The following MSL2 variants were observed in gnomAD, a reference collection of about 807,000 sequenced individuals.
MSL2 encodes MSL complex subunit 2.
In MSL2, 2 loss-of-function variants were observed where a neutral mutation model predicts 35.8. The observed-to-expected ratio is 0.06, with a 90% CI of 0.02 to 0.18. MSL2 has a LOEUF of 0.18. Among genes scored for constraint, MSL2 ranks in the 10% least tolerant of loss-of-function variants. The pLI, the probability that MSL2 is intolerant of heterozygous loss-of-function variation, is 1.00. For missense variants in MSL2, 523 were observed against 706.7 expected, an observed-to-expected ratio of 0.74 and a Z score of 2.95; for synonymous variants, 296 against 255.7, an observed-to-expected ratio of 1.16 and a Z score of -1.50.
At position 136,154,793 on chromosome 3, in the gene MSL2, C is replaced by T. The variant is rs1201051672; in HGVS notation, c.143-2055G>A. 3.3e-5 allele frequency among the ~76,000 whole-genome samples: 5 copies of T among 152,212 alleles called. No individual in the cohort carries two copies. The East Asian group carries it at 7.7e-4, about 23-fold the overall frequency. ...AGGTCTTAAGCTAGGCACAGTGGCA[C>T]GTGCCTGTTGTTCTAGCTCTCTGAG... On this transcript the variant is annotated intron_variant, in intron 1 of 1. Coordinates refer to ENST00000309993, the MANE Select transcript of MSL2 (RefSeq NM_018133.4).
In MSL2 at chr3:136,149,119, CA is replaced by C. The variant is rs753775308; in HGVS notation, c.*2027del. On this transcript the variant is annotated 3_prime_UTR_variant, in exon 2 of 2. Coordinates refer to ENST00000309993, the MANE Select transcript of MSL2 (RefSeq NM_018133.4). ...TCTATATTGCCAACCTCCCATGCAT[CA>C]AAAAAAAAAAAAAACCCACAAGATT... 0.034 allele frequency: 3,981 copies of C among 117,824 alleles called. 60 individuals carry two copies. The highest frequency in any genetic ancestry group is 0.043 in the African/African-American group (1,414 of 33,262). 7.3% of individuals were successfully genotyped at this position (117,824 alleles called of 1,614,324 possible).
At chr3:136,180,444 G>A (rs1220649966) in intron 1 of MSL2, among the ~76,000 whole-genome samples, 3 of 151,888 alleles carry the variant, frequency 2.0e-5, no homozygotes, top group Non-Finnish European at 4.4e-5. Flanking sequence ...AACTTATAAA[G>A]AATAAAAGAC....
intron 1 of MSL2, among the ~76,000 whole-genome samples, chr3:136,160,360 AGGGAGG>A (rs1357834246): frequency 8.8e-5 from 2 of 22,672 alleles, no homozygotes; most frequent in Non-Finnish European, 1.6e-4. Context: ...GGAGGGAGGG[AGGGAGG>A]GAGGGAGGGA....
At position 136,195,339 on chromosome 3, in the gene MSL2, T is replaced by C. The variant is rs1940805237; in HGVS notation, c.-226A>G. 3.8e-6 allele frequency: 5 copies of C among 1,313,576 alleles called. No individual in the cohort carries two copies. Among genetic ancestry groups the C allele is most frequent in the Non-Finnish European group, 4.8e-6 (5 of 1,033,374 alleles). 81.4% of individuals were successfully genotyped at this position (1,313,576 alleles called of 1,614,324 possible). A position where few individuals can be genotyped will look rare whatever the true frequency, so the allele number is the denominator to read the frequency against. On this transcript the variant is annotated 5_prime_UTR_variant, in exon 1 of 2. It adds an upstream start codon to the 5' untranslated region. Coordinates refer to ENST00000309993, the MANE Select transcript of MSL2 (RefSeq NM_018133.4). Reference sequence around the variant, plus strand: ...GTCCCTGAGACTTCCAGACCAAAAATATGAGAGAGAAACCAGCGTTCGAGT... The same window carrying C: ...GTCCCTGAGACTTCCAGACCAAAAACATGAGAGAGAAACCAGCGTTCGAGT...
At chr3:136,174,838 AT>A (rs1221294829) in intron 1 of MSL2, among the ~76,000 whole-genome samples, 1 of 152,230 alleles carries the variant, frequency 6.6e-6, no homozygotes, top group African/African-American at 2.4e-5. Flanking sequence ...CTTAATATGT[AT>A]ATGTATATTA....
chr3:136,158,508 T>C (rs1200025212), intron 1 of MSL2, among the ~76,000 whole-genome samples: 6 of 152,092 alleles, frequency 3.9e-5, no homozygotes, highest in Non-Finnish European at 5.9e-5. Context: ...AAGCCAACTT[T>C]ACTTAAAGGT....
intron 1 of MSL2, among the ~76,000 whole-genome samples, chr3:136,172,224 T>C (rs1045038141): frequency 6.6e-6 from 1 of 152,128 alleles, no homozygotes; most frequent in Non-Finnish European, 1.5e-5. Context: ...TTTACATATT[T>C]AAGTATTCTC....
At chr3:136,161,102 A>C (rs1184196504) in intron 1 of MSL2, among the ~76,000 whole-genome samples, 1 of 152,162 alleles carries the variant, frequency 6.6e-6, no homozygotes, top group Non-Finnish European at 1.5e-5. Context: ...ATAAAGTAAA[A>C]TGAATGACCA....
intron 1 of MSL2, among the ~76,000 whole-genome samples, chr3:136,167,047 G>C (rs1301742432): frequency 6.6e-6 from 1 of 151,914 alleles, no homozygotes; most frequent in Non-Finnish European, 1.5e-5. Context: ...TTATGGAAAT[G>C]AGGAGAAGGG....
chr3:136,184,911 C>G (rs1345705465), intron 1 of MSL2, among the ~76,000 whole-genome samples: 1 of 152,132 alleles, frequency 6.6e-6, no homozygotes, highest in Non-Finnish European at 1.5e-5. Flanking sequence ...AAACCTCATA[C>G]TTTTCCAGGA....
At position 136,151,937 on chromosome 3, in the gene MSL2, A is replaced by T. The variant is rs1426530102; in HGVS notation, c.944T>A (p.Val315Asp). ...AAGTGCAGGACTGGTGGACATAAAA[A>T]CATTATGGCTAAGAGACTGGGAAGA... ...QLSSQSLSHN[V>D]FMSTSPALHG... Residue 315 changes from valine (V) to aspartate (D), a missense_variant, in exon 2 of 2, where the codon GTT (valine) becomes GAT (aspartate). Val to Asp is a radical substitution (Grantham distance 152, BLOSUM62 -3). Coordinates refer to ENST00000309993, the MANE Select transcript of MSL2 (RefSeq NM_018133.4). This position sits in a 1 kb window ranked among gnomAD's most constrained non-coding sequence, Gnocchi z 5.2. The T allele has an allele frequency of 3.7e-6, 6 of 1,614,234 alleles. No individual in the cohort carries two copies. Among genetic ancestry groups the T allele is most frequent in the Non-Finnish European group, 5.1e-6 (6 of 1,180,040 alleles).
intron 1 of MSL2, among the ~76,000 whole-genome samples, chr3:136,178,044 CTCA>C (rs1011769202): frequency 1.2e-4 from 18 of 152,096 alleles, no homozygotes; most frequent in African/African-American, 3.9e-4. Flanking sequence ...TAAACAAAGA[CTCA>C]TCATAGGTTA....
At chr3:136,187,867 G>C (rs1287947352) in intron 1 of MSL2, among the ~76,000 whole-genome samples, 1 of 152,034 alleles carries the variant, frequency 6.6e-6, no homozygotes, top group Non-Finnish European at 1.5e-5. Flanking sequence ...AATCAGTCTG[G>C]TGTGATGATT....
chr3:136,170,554 C>T (rs950940647), intron 1 of MSL2, among the ~76,000 whole-genome samples: 2 of 116,996 alleles, frequency 1.7e-5, no homozygotes, highest in African/African-American at 6.5e-5. Flanking sequence ...CTCGCTCTGT[C>T]GCCAGGCTGG....
In MSL2 at chr3:136,195,124, T is replaced by TC; in HGVS notation, c.-12dup. 6.3e-7 allele frequency: 1 copy of TC among 1,587,082 alleles called. No homozygotes were observed. The highest frequency in any genetic ancestry group is 8.6e-7 in the Non-Finnish European group (1 of 1,167,288). ...ATTCACGGGGTTCATTGCAGACACT[T>TC]CGACACCAATGGCTCCCGGTTGAAA... On this transcript the variant is annotated 5_prime_UTR_variant, in exon 1 of 2. Transcript: ENST00000309993.
intron 1 of MSL2, among the ~76,000 whole-genome samples, chr3:136,172,255 T>C (rs1940047216): frequency 6.6e-6 from 1 of 152,160 alleles, no homozygotes. Flanking sequence ...CCTCTCATCA[T>C]ACTCATACTC....
chr3:136,151,303 A>G lies in MSL2; in HGVS notation c.1578T>C (p.Thr526=), dbSNP rs751274711. The change falls in exon 2 of 2, where the codon ACT becomes ACC. Residue 526 remains threonine (T), a synonymous_variant. Coordinates refer to ENST00000309993, the MANE Select transcript of MSL2 (RefSeq NM_018133.4). This position sits in a 1 kb window ranked among gnomAD's most constrained non-coding sequence, Gnocchi z 5.2. ...PEKALEQTRL[T]LGINVTSIAV... is the part of the protein sequence containing the mutation. ...CAATGCTAGTCACGTTAATGCCCAA[A>G]GTGAGCCTGGTCTGCTCCAAGGCCT... 2.5e-6 allele frequency: 4 copies of G among 1,614,116 alleles called. No homozygotes were observed. Among genetic ancestry groups the G allele is most frequent in the African/African-American group, 1.3e-5 (1 of 74,934 alleles).
intron 1 of MSL2, among the ~76,000 whole-genome samples, chr3:136,191,586 C>T (rs1223516921): frequency 1.3e-5 from 2 of 152,102 alleles, no homozygotes; most frequent in East Asian, 1.9e-4. Context: ...TCAAGACCTG[C>T]CTGGGCAACA....
chr3:136,156,362 T>C (rs368926823), intron 1 of MSL2, among the ~76,000 whole-genome samples: 41 of 151,854 alleles, frequency 2.7e-4, no homozygotes, highest in African/African-American at 9.2e-4. Flanking sequence ...GAGAGGGAGG[T>C]TGGAAAACAT....
Sources: allele counts gnomAD v4.1 joint callset (sites outside exome capture counted in the v4.1 genomes callset), GRCh38; gene constraint gnomAD v4.1.1; non-coding constraint Gnocchi (gnomAD v3.1); transcripts MANE v1.5; gene names NCBI Gene and HGNC (gene_info 2026-07-23, HGNC 2026-07-21).